KATNA1: variants seen among roughly 807,000 people sequenced by gnomAD.
KATNA1 encodes the protein katanin p60 ATPase-containing subunit A1.
A neutral mutation model predicts 62.6 loss-of-function variants in KATNA1; 42 were observed. The observed-to-expected ratio is 0.67, with a 90% confidence interval of 0.52 to 0.87. The LOEUF (loss-of-function observed/expected upper bound fraction) is 0.87. Ranked by LOEUF, KATNA1 falls within the 40% of genes least tolerant of loss-of-function variation. The pLI is 0.00. For missense variants in KATNA1, 498 were observed against 612.5 expected, an observed-to-expected ratio of 0.81 and a Z score of 1.97; for synonymous variants, 186 against 201.9, an observed-to-expected ratio of 0.92 and a Z score of 0.67.
chr6:149,611,742 G>A (rs1400120829), intron 4 of KATNA1, among the ~76,000 whole-genome samples: 1 of 152,130 alleles, frequency 6.6e-6, no homozygotes, highest in Non-Finnish European at 1.5e-5. Flanking sequence ...GCTTATGCCT[G>A]TAATCCCAGC....
At chr6:149,624,107 C>T (rs770098890) in intron 3 of KATNA1, among the ~76,000 whole-genome samples, 1 of 152,076 alleles carries the variant, frequency 6.6e-6, no homozygotes, top group Non-Finnish European at 1.5e-5. Context: ...GGAATATTTC[C>T]ATATACATAC....
At chr6:149,612,473 C>T (rs969720116) in intron 4 of KATNA1, among the ~76,000 whole-genome samples, 2 of 152,166 alleles carry the variant, frequency 1.3e-5, no homozygotes, top group Non-Finnish European at 2.9e-5. Context: ...CGCGCCACTG[C>T]ACTCCAGCCT....
chr6:149,648,899 G>C (rs1780589780), upstream of KATNA1: 1 of 152,362 alleles, frequency 6.6e-6, no homozygotes, highest in Non-Finnish European at 1.5e-5. Context: ...GCGCGCCTCT[G>C]TACCTTGTTC....
At position 149,606,970 on chromosome 6, in the gene KATNA1, T is replaced by C. The variant is rs987056459; in HGVS notation, c.502-2188A>G. ...AGAAGATAATCTTTTCTTCAAAGTA[T>C]TTATAAAGTTGTTACTCATTTACAG... is the stretch of plus-strand genomic sequence containing the variant. On this transcript the variant is annotated intron_variant, in intron 4 of 10. Coordinates refer to ENST00000367411, the MANE Select transcript of KATNA1 (RefSeq NM_007044.4). Among the ~76,000 whole-genome samples the C allele has an allele frequency of 3.5e-4, 54 of 152,174 alleles. 1 individual carries two copies. Among genetic ancestry groups the C allele is most frequent in the African/African-American group, 1.3e-3 (54 of 41,440 alleles).
chr6:149,609,620 C>A (rs940945992), intron 4 of KATNA1, among the ~76,000 whole-genome samples: 1 of 151,170 alleles, frequency 6.6e-6, no homozygotes, highest in African/African-American at 2.4e-5. Context: ...CTGGCCAACA[C>A]AGTGAAACCC....
chr6:149,597,646 A>C lies in KATNA1; in HGVS notation c.1016-5T>G. 6.2e-7 allele frequency: 1 copy of C among 1,612,998 alleles called. No individual in the cohort carries two copies. The highest frequency in any genetic ancestry group is 8.5e-7 in the Non-Finnish European group (1 of 1,179,252). ...TTTCAGAAGTACCTCCAACACCTAAAATAAGGGTAAGGGGAGAGTGAAAAA... is the reference window on the plus strand; with the variant it reads ...TTTCAGAAGTACCTCCAACACCTAACATAAGGGTAAGGGGAGAGTGAAAAA... On this transcript the variant is annotated splice_region_variant and splice_polypyrimidine_tract_variant and intron_variant, in intron 8 of 10. Transcript: ENST00000367411.
At chr6:149,638,896 C>A (rs577433460) in intron 1 of KATNA1, among the ~76,000 whole-genome samples, 68 of 151,972 alleles carry the variant, frequency 4.5e-4, no homozygotes, top group African/African-American at 1.4e-3. Flanking sequence ...ACCGCCATGC[C>A]CGGCTAATTT....
intron 7 of KATNA1, among the ~76,000 whole-genome samples, chr6:149,600,757 A>C (rs550169774): frequency 6.8e-6 from 1 of 147,224 alleles, no homozygotes; most frequent in South Asian, 2.2e-4. Flanking sequence ...GCAACACAGC[A>C]AGACCCCATC....
chr6:149,596,907 T>G (rs1778338219), intron 10 of KATNA1, among the ~76,000 whole-genome samples, 156 bp downstream of exon 10: 1 of 152,020 alleles, frequency 6.6e-6, no homozygotes, highest in Non-Finnish European at 1.5e-5. Context: ...GAGGATCACT[T>G]GAGCCCAGGA....
At chr6:149,618,610 G>C (rs1779272426) in intron 4 of KATNA1, among the ~76,000 whole-genome samples, 1 of 152,180 alleles carries the variant, frequency 6.6e-6, no homozygotes, top group Admixed American at 6.6e-5. Flanking sequence ...AACCAAAACA[G>C]CATGGTACTG....
chr6:149,628,163 T>C (rs1779689551), intron 3 of KATNA1, among the ~76,000 whole-genome samples: 1 of 151,388 alleles, frequency 6.6e-6, no homozygotes, highest in Non-Finnish European at 1.5e-5. Flanking sequence ...AGTGGCGCCA[T>C]CTCGGCTCAC....
At chr6:149,628,752 A>T (rs1779717885) in intron 3 of KATNA1, among the ~76,000 whole-genome samples, 2 of 151,432 alleles carry the variant, frequency 1.3e-5, no homozygotes. Context: ...CCTGGGAGGC[A>T]GAGGTTGCAG....
chr6:149,628,199 G>T (rs946700776), intron 3 of KATNA1, among the ~76,000 whole-genome samples: 1 of 150,688 alleles, frequency 6.6e-6, no homozygotes, highest in Non-Finnish European at 1.5e-5. Flanking sequence ...CTGGGTTCAC[G>T]CCATTCTCCT....
chr6:149,596,892 C>T (rs376276110), intron 10 of KATNA1, among the ~76,000 whole-genome samples, 171 bp downstream of exon 10: 16 of 151,920 alleles, frequency 1.1e-4, no homozygotes, highest in African/African-American at 3.4e-4. Context: ...AAAAACTTCA[C>T]GTCAGAGGAT....
upstream of KATNA1, chr6:149,648,911 G>A (rs955637081): frequency 1.3e-5 from 2 of 152,432 alleles, no homozygotes; most frequent in African/African-American, 4.8e-5. Flanking sequence ...ACCTTGTTCA[G>A]GTGCTTGCTC....
At chr6:149,646,735 C>T (rs1277148327) in intron 1 of KATNA1, among the ~76,000 whole-genome samples, 3 of 152,050 alleles carry the variant, frequency 2.0e-5, no homozygotes, top group Non-Finnish European at 2.9e-5. Flanking sequence ...TCAGTTTACC[C>T]TAAACAAACA....
intron 1 of KATNA1, among the ~76,000 whole-genome samples, chr6:149,645,646 C>G (rs1253024541): frequency 6.6e-6 from 1 of 152,120 alleles, no homozygotes; most frequent in Non-Finnish European, 1.5e-5. Flanking sequence ...TTATTCACAG[C>G]AAGTTTTTCC....
chr6:149,638,275 T>C, intron 2 of KATNA1, 111 bp downstream of exon 2: 8 of 1,022,748 alleles, frequency 7.8e-6, no homozygotes, highest in Non-Finnish European at 1.2e-5. Flanking sequence ...TGTACTGTGC[T>C]CGGTAGTCAT....
chr6:149,602,344 CAG>C (rs1346400458), intron 6 of KATNA1, among the ~76,000 whole-genome samples: 1 of 152,114 alleles, frequency 6.6e-6, no homozygotes, highest in Non-Finnish European at 1.5e-5. Flanking sequence ...AGCCTGGCGA[CAG>C]AGCGAGACTC....
Sources: gnomAD v4.1 joint callset for allele counts (sites outside exome capture counted in the v4.1 genomes callset) on GRCh38, gnomAD v4.1.1 for gene constraint, MANE v1.5 for transcripts, NCBI Gene and HGNC (gene_info 2026-07-23, HGNC 2026-07-21) for gene names.